The following VSTM4 variants were observed in gnomAD, a reference collection of about 807,000 sequenced individuals.
VSTM4 encodes the protein V-set and transmembrane domain-containing protein 4.
A neutral mutation model predicts 36.4 loss-of-function variants in VSTM4; 20 were observed. The ratio of observed to expected loss-of-function variants is 0.55; its 90% confidence interval spans 0.39 to 0.80. The LOEUF (loss-of-function observed/expected upper bound fraction) is 0.80, where lower values mean the gene tolerates loss of function less well. Ranked by LOEUF, VSTM4 falls within the 30% of genes least tolerant of loss-of-function variation. The pLI, the probability that VSTM4 is intolerant of heterozygous loss-of-function variation, is 0.00. For synonymous variants in VSTM4, 182 were observed against 173.9 expected (o/e 1.05, Z -0.37); for missense variants, 392 against 404.5 (o/e 0.97, Z 0.26).
At chr10:49,060,510 T>C (rs148696112) in intron 5 of VSTM4, among the ~76,000 whole-genome samples, 266 of 152,320 alleles carry the variant, frequency 1.7e-3, no homozygotes, top group Non-Finnish European at 3.0e-3. Flanking sequence ...TTTAGGAAAA[T>C]ATCTGCTCAA....
rs369647605 is a variant in VSTM4, at chr10:49,103,495, A to G, written c.457+4099T>C. ...TCAGTATTTTTCCATGTTTTCTATA[A>G]TTGAACTATATTACACTATATTACT... On this transcript the variant is annotated intron_variant, in intron 2 of 7. Transcript: ENST00000332853. 6 of 1,126,240 alleles carry G rather than the reference A, an allele frequency of 5.3e-6. No individual in the cohort carries two copies. The African/African-American group carries it at 9.7e-5, about 18-fold the overall frequency. 69.8% of individuals were successfully genotyped at this position (1,126,240 alleles called of 1,614,324 possible). A position where few individuals can be genotyped will look rare whatever the true frequency, so the allele number is the denominator to read the frequency against.
chr10:49,027,242 A>G lies in VSTM4; in HGVS notation c.838-7467T>C, dbSNP rs561407797. On this transcript the variant is annotated intron_variant, in intron 7 of 7. Transcript: ENST00000332853. ...GAAGGAAGGCATTTTACAACAAACTAATGACCAACTCATTCATTTATACAA... is the reference window on the plus strand; with the variant it reads ...GAAGGAAGGCATTTTACAACAAACTGATGACCAACTCATTCATTTATACAA... Among the ~76,000 whole-genome samples, 10 of 152,254 alleles carry G rather than the reference A, an allele frequency of 6.6e-5. No homozygotes were observed. The East Asian group carries it at 1.7e-3, about 26-fold the overall frequency.
intron 2 of VSTM4, among the ~76,000 whole-genome samples, chr10:49,104,629 A>G (rs1017006455): frequency 6.6e-5 from 10 of 152,238 alleles, no homozygotes; most frequent in African/African-American, 1.7e-4. Context: ...GAATCTTTCC[A>G]TCAGCAAATC....
At chr10:49,064,390 A>C (rs1843934491) in intron 5 of VSTM4, 1 of 351,122 alleles carries the variant, frequency 2.8e-6, no homozygotes, top group African/African-American at 2.1e-5. Context: ...AAAATGTATC[A>C]AAGTGGTTCA....
Position 49,107,896 on chromosome 10 carries a change from C to T in VSTM4, c.155G>A (p.Arg52Lys). The T allele has an allele frequency of 6.2e-7, 1 of 1,614,216 alleles. No homozygotes were observed. Among genetic ancestry groups the T allele is most frequent in the Non-Finnish European group, 8.5e-7 (1 of 1,180,032 alleles). Residue 52 changes from arginine to lysine, a missense_variant, in exon 2 of 8, where the codon AGG becomes AAG. Coordinates refer to ENST00000332853, the MANE Select transcript of VSTM4 (RefSeq NM_001031746.5). ...CACGGCCAGCAAGCTGTCCTTCCGCCTTTTCTGGGAGACGTGGCAGAGGAG... is the reference window on the plus strand; with the variant it reads ...CACGGCCAGCAAGCTGTCCTTCCGCTTTTTCTGGGAGACGTGGCAGAGGAG... ...ATLLCHVSQK[R>K]RKDSLLAVRW... is the part of the protein sequence containing the mutation.
chr10:49,092,592 G>A (rs1486595344), intron 2 of VSTM4, among the ~76,000 whole-genome samples: 1 of 152,194 alleles, frequency 6.6e-6, no homozygotes, highest in Non-Finnish European at 1.5e-5. Context: ...AATATGGAAA[G>A]GGGAAGGGGC....
chr10:49,016,363 C>T lies in VSTM4; in HGVS notation c.*3287G>A, dbSNP rs951363214. The T allele has an allele frequency of 3.3e-5, 5 of 152,212 alleles. No homozygotes were observed. Among genetic ancestry groups the T allele is most frequent in the African/African-American group, 1.2e-4 (5 of 41,454 alleles). 9.4% of individuals were successfully genotyped at this position (152,212 alleles called of 1,614,324 possible). On this transcript the variant is annotated 3_prime_UTR_variant, in exon 8 of 8. Transcript: ENST00000332853. ...CAGTGTCTGTTGCCTTCCAAGGCTT[C>T]TCCACTAGGCAGGAGATGTGGCAAC...
At chr10:49,064,868 C>T in intron 4 of VSTM4, 132 bp from the exon 5 acceptor site, 1 of 875,180 alleles carries the variant, frequency 1.1e-6, no homozygotes, top group South Asian at 1.7e-5. Flanking sequence ...ACTCTCAAGA[C>T]TTGCATTCTT....
chr10:49,077,466 A>G, intron 3 of VSTM4, 140 bp from the exon 4 acceptor site: 1 of 718,424 alleles, frequency 1.4e-6, no homozygotes, highest in Non-Finnish European at 2.4e-6. Context: ...GTGCAAGGAC[A>G]GACACAGATC....
intron 3 of VSTM4, among the ~76,000 whole-genome samples, chr10:49,078,523 G>GAA (rs34919134): frequency 0.33 from 45,701 of 137,524 alleles, 7,602 homozygotes; most frequent in African/African-American, 0.43. Context: ...TACGCTGAGT[G>GAA]AAAAAAAAAA....
At chr10:49,026,377 A>G (rs1450459270) in intron 7 of VSTM4, among the ~76,000 whole-genome samples, 3 of 152,162 alleles carry the variant, frequency 2.0e-5, no homozygotes, top group Non-Finnish European at 4.4e-5. Context: ...CTTCTATAAT[A>G]TGTCTATTAA....
At chr10:49,100,093 C>A (rs1303472772) in intron 2 of VSTM4, among the ~76,000 whole-genome samples, 2 of 152,096 alleles carry the variant, frequency 1.3e-5, no homozygotes, top group African/African-American at 4.8e-5. Context: ...TCAGGGCAAT[C>A]CCAGTTGTTT....
intron 5 of VSTM4, among the ~76,000 whole-genome samples, chr10:49,053,954 G>T (rs1244143319): frequency 1.3e-5 from 2 of 152,212 alleles, no homozygotes; most frequent in African/African-American, 4.8e-5. Flanking sequence ...AACAAATTCT[G>T]AGCAACCATA....
At chr10:49,029,950 C>A (rs1211319472) in intron 7 of VSTM4, among the ~76,000 whole-genome samples, 1 of 152,196 alleles carries the variant, frequency 6.6e-6, no homozygotes, top group Non-Finnish European at 1.5e-5. Flanking sequence ...CTCACTGGAA[C>A]ACCTCCAGGG....
At chr10:49,037,798 G>A (rs1843455222) in intron 7 of VSTM4, among the ~76,000 whole-genome samples, 1 of 152,084 alleles carries the variant, frequency 6.6e-6, no homozygotes. Flanking sequence ...AATGGTCAAT[G>A]GACTTGAATA....
intron 6 of VSTM4, 115 bp from the exon 7 acceptor site, chr10:49,047,159 T>A (rs1363089112): frequency 9.5e-7 from 1 of 1,057,066 alleles, no homozygotes; most frequent in Admixed American, 2.0e-5. Context: ...CCTGGTCCCA[T>A]GGAAGAACTT....
intron 4 of VSTM4, among the ~76,000 whole-genome samples, chr10:49,069,794 C>T (rs989196337): frequency 3.3e-5 from 5 of 152,208 alleles, no homozygotes; most frequent in Non-Finnish European, 7.3e-5. Context: ...ACATTTCTCA[C>T]ATGCAAAGGA....
At chr10:49,053,292 G>T (rs1388406326) in intron 5 of VSTM4, among the ~76,000 whole-genome samples, 1 of 152,222 alleles carries the variant, frequency 6.6e-6, no homozygotes, top group Non-Finnish European at 1.5e-5. Flanking sequence ...AGGCCTTGCT[G>T]TAAGATGTAC....
intron 5 of VSTM4, among the ~76,000 whole-genome samples, chr10:49,061,546 G>A (rs970277152): frequency 1.3e-5 from 2 of 152,088 alleles, no homozygotes; most frequent in African/African-American, 4.8e-5. Context: ...AGTTTTTGAT[G>A]TTTAAATTTT....
Sources: allele counts gnomAD v4.1 joint callset (sites outside exome capture counted in the v4.1 genomes callset), GRCh38; gene constraint gnomAD v4.1.1; transcripts MANE v1.5; gene names NCBI Gene and HGNC (gene_info 2026-07-23, HGNC 2026-07-21).